STRBP: variants seen among roughly 807,000 people sequenced by gnomAD.
The protein encoded by STRBP is spermatid perinuclear RNA binding protein.
STRBP carries 13 observed loss-of-function variants against 80.1 expected under a neutral mutation model. The ratio of observed to expected loss-of-function variants is 0.16; its 90% CI spans 0.11 to 0.26. The LOEUF (loss-of-function observed/expected upper bound fraction) is 0.26. Ranked by LOEUF, STRBP falls within the 10% of genes least tolerant of loss-of-function variation. STRBP has a pLI of 1.00. For synonymous variants in STRBP, 284 were observed against 291.2 expected (o/e 0.98, Z 0.25); for missense variants, 485 against 815.2 (o/e 0.59, Z 4.93).
intron 2 of STRBP, among the ~76,000 whole-genome samples, chr9:123,225,507 C>A (rs932740366): frequency 1.3e-5 from 2 of 152,230 alleles, no homozygotes; most frequent in Admixed American, 6.5e-5. Context: ...GGGGAATCCC[C>A]CACCTTATGA....
chr9:123,144,222 A>G (rs1347545749), intron 13 of STRBP, among the ~76,000 whole-genome samples: 1 of 151,896 alleles, frequency 6.6e-6, no homozygotes, highest in Non-Finnish European at 1.5e-5. Context: ...AAAGAAAGAA[A>G]GAAAGAAAGA....
At chr9:123,258,727 G>A (rs963669130) in intron 1 of STRBP, among the ~76,000 whole-genome samples, 53 of 151,242 alleles carry the variant, frequency 3.5e-4, no homozygotes, top group Admixed American at 2.8e-3. Flanking sequence ...TGTGAACCCC[G>A]GAGGCAGAGC....
intron 17 of STRBP, among the ~76,000 whole-genome samples, chr9:123,130,192 C>A (rs1338646515): frequency 1.3e-5 from 2 of 152,070 alleles, no homozygotes; most frequent in Admixed American, 6.6e-5. Context: ...CTTCAGTGTT[C>A]TATGTACAGT....
At chr9:123,212,306 A>G (rs2039738221) in intron 2 of STRBP, among the ~76,000 whole-genome samples, 2 of 152,200 alleles carry the variant, frequency 1.3e-5, no homozygotes, top group Non-Finnish European at 2.9e-5. Flanking sequence ...ACACGGGTTC[A>G]TGAGGAAAAC....
chr9:123,267,795 T>C (rs2041305079), intron 1 of STRBP, among the ~76,000 whole-genome samples: 1 of 148,194 alleles, frequency 6.7e-6, no homozygotes, highest in Admixed American at 6.7e-5. Flanking sequence ...TCCCCAGTCT[T>C]CTCCCTCCAT....
chr9:123,146,530 C>T (rs2036821684), intron 13 of STRBP, among the ~76,000 whole-genome samples: 1 of 148,416 alleles, frequency 6.7e-6, no homozygotes, highest in Admixed American at 6.7e-5. Flanking sequence ...ACTGTGAGCT[C>T]ACTTAAAAAA....
intron 13 of STRBP, 113 bp from the exon 14 acceptor site, chr9:123,139,800 T>G: frequency 9.6e-7 from 1 of 1,038,220 alleles, no homozygotes; most frequent in Non-Finnish European, 1.4e-6. Flanking sequence ...TAAAACACCT[T>G]GCAGGAAGAG....
At chr9:123,147,677 CAAAAAAAAAAA>C in intron 12 of STRBP, 90 bp downstream of exon 12, 8 of 369,042 alleles carry the variant, frequency 2.2e-5, no homozygotes, top group Non-Finnish European at 3.3e-5. Context: ...GAACCGATCT[CAAAAAAAAAAA>C]AAAAAAAAAA....
intron 2 of STRBP, among the ~76,000 whole-genome samples, chr9:123,186,078 G>A (rs925349990): frequency 2.0e-5 from 3 of 149,524 alleles, no homozygotes; most frequent in Non-Finnish European, 3.0e-5. Flanking sequence ...ATGGTGGCTC[G>A]CGCCTGTAAT....
chr9:123,242,198 G>A (rs1012837705), intron 1 of STRBP, among the ~76,000 whole-genome samples: 1 of 152,106 alleles, frequency 6.6e-6, no homozygotes, highest in African/African-American at 2.4e-5. Flanking sequence ...AACCTGTTTC[G>A]ATTATCTGCA....
rs1181195213 is a variant in STRBP, at chr9:123,110,751, T to C, written c.*85-998A>G. 4 of 169,152 alleles carry C rather than the reference T, an allele frequency of 2.4e-5. No individual in the cohort carries two copies. The highest frequency in any genetic ancestry group is 4.4e-5 in the Non-Finnish European group (3 of 68,160). 10.5% of individuals were successfully genotyped at this position (169,152 alleles called of 1,614,324 possible). A position where few individuals can be genotyped will look rare whatever the true frequency, so the allele number is the denominator to read the frequency against. The stretch of plus-strand genomic sequence containing the variant: ...GGGAGATGGAGAGAGCGAGGCCCTC[T>C]GGTCGGAGGCCTACAATTTGGCTCC... On this transcript the variant is annotated intron_variant and NMD_transcript_variant, in intron 3 of 3. Transcript: ENST00000471564. The surrounding 1 kb of genome is among the most constrained non-coding windows in gnomAD (Gnocchi z 4.1).
At chr9:123,119,744 G>A (rs369464728), downstream of STRBP, among the ~76,000 whole-genome samples, 9 of 152,076 alleles carry the variant, frequency 5.9e-5, no homozygotes, top group Non-Finnish European at 1.0e-4. Flanking sequence ...CACTGAGTAC[G>A]TACTCTGCAC....
chr9:123,201,032 A>G (rs1378252233), intron 2 of STRBP, among the ~76,000 whole-genome samples: 1 of 152,008 alleles, frequency 6.6e-6, no homozygotes, highest in East Asian at 1.9e-4. Flanking sequence ...AAAGGTGTTA[A>G]TAGTAGTCTG....
At chr9:123,218,494 C>T (rs1475594483) in intron 2 of STRBP, among the ~76,000 whole-genome samples, 3 of 150,610 alleles carry the variant, frequency 2.0e-5, no homozygotes, top group Non-Finnish European at 3.0e-5. Flanking sequence ...CTCAGCCTCC[C>T]GAGTAGCTGG....
chr9:123,252,308 C>T (rs2040935005), intron 1 of STRBP, among the ~76,000 whole-genome samples: 1 of 152,204 alleles, frequency 6.6e-6, no homozygotes, highest in Non-Finnish European at 1.5e-5. Context: ...AGATACTGTG[C>T]TGAGCCCTTT....
intron 2 of STRBP, among the ~76,000 whole-genome samples, chr9:123,202,173 G>A (rs1290456053): frequency 6.6e-6 from 1 of 152,158 alleles, no homozygotes; most frequent in East Asian, 1.9e-4. Context: ...TATCCATTCT[G>A]CCATTCTGTA....
downstream of STRBP, among the ~76,000 whole-genome samples, chr9:123,121,124 A>G (rs2035726340): frequency 6.6e-6 from 1 of 152,192 alleles, no homozygotes; most frequent in African/African-American, 2.4e-5. Context: ...CGCACTCAGT[A>G]CTAGTCAGCT....
chr9:123,197,667 C>CTTTTTTTT (rs71388358), intron 2 of STRBP, among the ~76,000 whole-genome samples: 307 of 87,326 alleles, frequency 3.5e-3, no homozygotes, highest in East Asian at 4.9e-3. Flanking sequence ...AAACATATTT[C>CTTTTTTTT]TTTTTTTTTT....
At chr9:123,159,342 A>G (rs2037425156) in intron 8 of STRBP, 135 bp from the exon 9 acceptor site, 4 of 539,040 alleles carry the variant, frequency 7.4e-6, no homozygotes, top group Non-Finnish European at 6.3e-6. Context: ...CCCACTTAAC[A>G]TTTTCCCCAT....
Sources: gnomAD v4.1 joint callset for allele counts (sites outside exome capture counted in the v4.1 genomes callset) on GRCh38, gnomAD v4.1.1 for gene constraint, Gnocchi (gnomAD v3.1) non-coding constraint, MANE v1.5 for transcripts, NCBI Gene and HGNC (gene_info 2026-07-23, HGNC 2026-07-21) for gene names.